IL1RAPL2: variants seen among roughly 807,000 people sequenced by gnomAD.
IL1RAPL2 encodes the protein X-linked interleukin-1 receptor accessory protein-like 2.
A neutral mutation model predicts 44.1 loss-of-function variants in IL1RAPL2; 3 were observed. The ratio of observed to expected loss-of-function variants is 0.07; its 90% CI spans 0.03 to 0.18. The LOEUF (loss-of-function observed/expected upper bound fraction) is 0.18. Ranked by LOEUF, IL1RAPL2 falls within the 10% of genes least tolerant of loss-of-function variation. IL1RAPL2 has a pLI of 1.00. For synonymous variants in IL1RAPL2, 181 were observed against 178.8 expected, an observed-to-expected ratio of 1.01 and a Z score of -0.10; for missense variants, 391 against 496.4, an observed-to-expected ratio of 0.79 and a Z score of 2.02.
chrX:105,587,228 C>G (rs1468359233), intron 6 of IL1RAPL2, among the ~76,000 whole-genome samples: 1 of 111,455 alleles, frequency 9.0e-6, no homozygotes, highest in Non-Finnish European at 1.9e-5. Context: ...TTTTCCATTT[C>G]TTCTAATTTA....
intron 2 of IL1RAPL2, among the ~76,000 whole-genome samples, chrX:105,098,068 C>T (rs1302240023): frequency 8.9e-6 from 1 of 111,775 alleles, no homozygotes; most frequent in African/African-American, 3.3e-5. Context: ...AAACCTCATT[C>T]AAGAAAGATG....
intron 2 of IL1RAPL2, among the ~76,000 whole-genome samples, chrX:105,011,084 C>A (rs1389204432): frequency 9.0e-6 from 1 of 110,646 alleles, no homozygotes; most frequent in Non-Finnish European, 1.9e-5. Flanking sequence ...GACTCCAAAT[C>A]CTGGCTCTGT....
chrX:105,759,951 G>A (rs2038672879), intron 10 of IL1RAPL2, among the ~76,000 whole-genome samples: 1 of 111,786 alleles, frequency 8.9e-6, no homozygotes, highest in Admixed American at 9.5e-5. Context: ...CAGACAATCT[G>A]ATGTGTGTGA....
rs142691795 is a variant in IL1RAPL2 at position 104,910,242 on chromosome X, C to T, written c.82+251247C>T. 8.4e-3 allele frequency among the ~76,000 whole-genome samples: 934 copies of T among 111,838 alleles called. 8 individuals carry two copies. Among genetic ancestry groups the T allele is most frequent in the African/African-American group, 0.029 (888 of 30,749 alleles). On this transcript the variant is annotated intron_variant, in intron 2 of 10. Transcript: ENST00000372582. ...CACGGTGCGCGCACCCACTGACCTG[C>T]GCCCACTGTCTGGCACTCTCTTGTG...
At chrX:104,640,352 T>C (rs1319761146) in intron 1 of IL1RAPL2, among the ~76,000 whole-genome samples, 1 of 111,909 alleles carries the variant, frequency 8.9e-6, no homozygotes, top group Non-Finnish European at 1.9e-5. Flanking sequence ...TTTTATGATA[T>C]GTATCTCTTT....
chrX:105,316,353 G>GA (rs1470655571), intron 5 of IL1RAPL2, among the ~76,000 whole-genome samples: 1 of 111,875 alleles, frequency 8.9e-6, no homozygotes, highest in African/African-American at 3.3e-5. Flanking sequence ...GCTAATCAAT[G>GA]AAAAAAGGCA....
chrX:105,145,791 A>C (rs916210565), intron 2 of IL1RAPL2, among the ~76,000 whole-genome samples: 5 of 111,365 alleles, frequency 4.5e-5, no homozygotes, highest in Admixed American at 9.6e-5. Context: ...ATCCTAAAAA[A>C]TCCAATCTCG....
intron 2 of IL1RAPL2, among the ~76,000 whole-genome samples, chrX:104,692,261 T>A (rs1164712234): frequency 9.0e-6 from 1 of 110,857 alleles, no homozygotes; most frequent in Non-Finnish European, 1.9e-5. Flanking sequence ...ATATGCACTT[T>A]TTCTATCAAA....
At position 104,761,177 on chromosome X, in the gene IL1RAPL2, G is replaced by A. The variant is rs761609648; in HGVS notation, c.82+102182G>A. On this transcript the variant is annotated intron_variant, in intron 2 of 10. Transcript: ENST00000372582. ...GAGACTAGGTAATTTATAAAAGAAA[G>A]AGATTTGATTGACTCACATTTCCAC... Among the ~76,000 whole-genome samples the A allele has an allele frequency of 7.2e-5, 8 of 111,522 alleles. No individual in the cohort carries two copies. The East Asian group carries it at 2.3e-3, about 32-fold the overall frequency.
intron 2 of IL1RAPL2, among the ~76,000 whole-genome samples, chrX:104,766,985 A>G (rs1157015120): frequency 8.9e-6 from 1 of 111,960 alleles, no homozygotes; most frequent in African/African-American, 3.2e-5. Context: ...CAAATCAGTG[A>G]CCTTGGCAGA....
intron 6 of IL1RAPL2, among the ~76,000 whole-genome samples, chrX:105,680,310 C>CTT (rs1471301321): frequency 3.6e-5 from 4 of 112,140 alleles, no homozygotes; most frequent in Non-Finnish European, 7.5e-5. Context: ...GAATTTCTTT[C>CTT]TTTTTAAGGT....
chrX:105,626,068 G>A (rs1245342551), intron 6 of IL1RAPL2, among the ~76,000 whole-genome samples: 1 of 111,264 alleles, frequency 9.0e-6, no homozygotes, highest in African/African-American at 3.3e-5. Context: ...GACAGGGTAG[G>A]CTAAGCATGT....
chrX:104,889,906 C>T (rs1473139481), intron 2 of IL1RAPL2, among the ~76,000 whole-genome samples: 3 of 110,992 alleles, frequency 2.7e-5, no homozygotes, highest in Non-Finnish European at 5.7e-5. Context: ...CCTATTAAGT[C>T]GTCATTTACA....
intron 2 of IL1RAPL2, among the ~76,000 whole-genome samples, chrX:104,767,849 G>A (rs1415742303): frequency 9.0e-6 from 1 of 111,368 alleles, no homozygotes; most frequent in East Asian, 2.8e-4. Context: ...AAACTAAGAG[G>A]CAAAACTTTA....
At chrX:104,679,720 C>G (rs1192208334) in intron 2 of IL1RAPL2, among the ~76,000 whole-genome samples, 1 of 111,715 alleles carries the variant, frequency 9.0e-6, no homozygotes, top group Non-Finnish European at 1.9e-5. Context: ...GCCATTTTCA[C>G]ATTCTTGATT....
chrX:104,874,279 C>CCTCTCCCTCTCT (rs747491911), intron 2 of IL1RAPL2, among the ~76,000 whole-genome samples: 15 of 76,312 alleles, frequency 2.0e-4, no homozygotes, highest in Non-Finnish European at 2.3e-4. Flanking sequence ...TGTCTGTATT[C>CCTCTCCCTCTCT]CTCTCTCTCT....
chrX:105,144,378 AT>A (rs1424756695), intron 2 of IL1RAPL2, among the ~76,000 whole-genome samples: 1 of 111,062 alleles, frequency 9.0e-6, no homozygotes, highest in Non-Finnish European at 1.9e-5. Flanking sequence ...ATATGGGAAG[AT>A]TCTGGGCCAA....
intron 2 of IL1RAPL2, among the ~76,000 whole-genome samples, chrX:105,189,750 C>T (rs1281798636): frequency 9.0e-6 from 1 of 111,564 alleles, no homozygotes; most frequent in Non-Finnish European, 1.9e-5. Context: ...TACGGCTATT[C>T]TTCCCACAAT....
chrX:105,213,664 G>A (rs148113568), intron 3 of IL1RAPL2, among the ~76,000 whole-genome samples: 1,547 of 110,592 alleles, frequency 0.014, 27 homozygotes, highest in African/African-American at 0.049. Context: ...GTAACCACAA[G>A]ACACATAATC....
Sources: gnomAD v4.1 joint callset for allele counts (sites outside exome capture counted in the v4.1 genomes callset) on GRCh38, gnomAD v4.1.1 for gene constraint, MANE v1.5 for transcripts, NCBI Gene and HGNC (gene_info 2026-07-23, HGNC 2026-07-21) for gene names.